PCYOX1: variants seen among roughly 807,000 people sequenced by gnomAD.
PCYOX1 encodes prenylcysteine lyase.
PCYOX1 carries 46 observed loss-of-function variants against 46.4 expected under a neutral mutation model. That is an observed-to-expected ratio of 0.99 (90% CI 0.78 to 1.27). PCYOX1 has a LOEUF of 1.27. PCYOX1 is among the 50% of genes most tolerant of loss of function. The pLI is 0.00. For missense variants in PCYOX1, 658 were observed against 628.3 expected, an observed-to-expected ratio of 1.05 and a Z score of -0.51; for synonymous variants, 220 against 231.8, an observed-to-expected ratio of 0.95 and a Z score of 0.46.
At chr2:70,274,195 C>CTT (rs397868949) in intron 3 of PCYOX1, among the ~76,000 whole-genome samples, 16 of 115,948 alleles carry the variant, frequency 1.4e-4, no homozygotes, top group African/African-American at 3.1e-4. Flanking sequence ...TTTACTTCTA[C>CTT]TTTTTTTTTT....
chr2:70,276,608 T>A (rs1459674445), intron 5 of PCYOX1, 126 bp from the exon 6 acceptor site: 1 of 596,590 alleles, frequency 1.7e-6, no homozygotes, highest in East Asian at 3.0e-5. Flanking sequence ...AAGGGACAAC[T>A]ATCTTAAGGG....
At chr2:70,260,400 C>T (rs1488007281) in intron 2 of PCYOX1, among the ~76,000 whole-genome samples, 2 of 152,132 alleles carry the variant, frequency 1.3e-5, no homozygotes, top group East Asian at 3.9e-4. Context: ...AAAAGTTAGC[C>T]TGGTGTGATG....
At position 70,281,038 on chromosome 2, in the gene PCYOX1, G is replaced by A. The variant is rs1437507703; in HGVS notation, c.*3646G>A. Reference sequence around the variant, plus strand: ...AATTCATTAACTAGATGAATACATTGTGGACAGCATCCTCACTACCCCTCT... The same window carrying A: ...AATTCATTAACTAGATGAATACATTATGGACAGCATCCTCACTACCCCTCT... On this transcript the variant is annotated 3_prime_UTR_variant, in exon 6 of 6. Coordinates refer to ENST00000433351, the MANE Select transcript of PCYOX1 (RefSeq NM_016297.4). 1 of 152,148 alleles carries A rather than the reference G, an allele frequency of 6.6e-6. No individual in the cohort carries two copies. The highest frequency in any genetic ancestry group is 1.5e-5 in the Non-Finnish European group (1 of 68,044). 9.4% of individuals were successfully genotyped at this position (152,148 alleles called of 1,614,324 possible). A position where few individuals can be genotyped will look rare whatever the true frequency, so the allele number is the denominator to read the frequency against.
At chr2:70,264,573 C>G (rs530535176) in intron 3 of PCYOX1, among the ~76,000 whole-genome samples, 1 of 151,504 alleles carries the variant, frequency 6.6e-6, no homozygotes, top group Non-Finnish European at 1.5e-5. Context: ...TTGATCTGCC[C>G]GCCTTGGCCT....
Position 70,265,019 on chromosome 2 carries a change from G to A in PCYOX1, c.494+3633G>A, listed in dbSNP as rs191133720. ...GTAACAGTAGTAAACCATGACACTC[G>A]AAAGAGGGCTCAAGCTTGTGGTAGG... On this transcript the variant is annotated intron_variant, in intron 3 of 5. Coordinates refer to ENST00000433351, the MANE Select transcript of PCYOX1 (RefSeq NM_016297.4). Among the ~76,000 whole-genome samples the A allele has an allele frequency of 1.4e-4, 22 of 152,024 alleles. No homozygotes were observed. The East Asian group carries it at 3.9e-3, about 27-fold the overall frequency.
At chr2:70,264,137 A>AT (rs1022113486) in intron 3 of PCYOX1, among the ~76,000 whole-genome samples, 31 of 147,706 alleles carry the variant, frequency 2.1e-4, no homozygotes, top group Admixed American at 1.2e-3. Flanking sequence ...AATTTTTTGT[A>AT]TTTTTTTTGT....
chr2:70,273,083 G>T (rs1211450001), intron 3 of PCYOX1, among the ~76,000 whole-genome samples: 2 of 152,136 alleles, frequency 1.3e-5, no homozygotes, highest in Non-Finnish European at 2.9e-5. Flanking sequence ...TCATCTCACC[G>T]CTGCCACCCC....
chr2:70,270,857 T>G (rs1173847278), intron 3 of PCYOX1, among the ~76,000 whole-genome samples: 2 of 152,048 alleles, frequency 1.3e-5, no homozygotes, highest in Non-Finnish European at 2.9e-5. Context: ...TCGGCTCACC[T>G]TGGCTCACTG....
rs1485326515 is a variant in PCYOX1 at position 70,279,253 on chromosome 2, A to G, written c.*1861A>G. On this transcript the variant is annotated 3_prime_UTR_variant, in exon 6 of 6. Coordinates refer to ENST00000433351, the MANE Select transcript of PCYOX1 (RefSeq NM_016297.4). Reference sequence around the variant, plus strand: ...AATATGCTGATAAAACTGCCAAGATATATTTGATAGGTAGGGGATTAAACT... The same window carrying G: ...AATATGCTGATAAAACTGCCAAGATGTATTTGATAGGTAGGGGATTAAACT... 6.6e-6 allele frequency: 1 copy of G among 152,206 alleles called. No homozygotes were observed. The highest frequency in any genetic ancestry group is 1.9e-4 in the East Asian group (1 of 5,204). The allele number at this position is 152,206 out of a possible 1,614,324, so 9.4% of individuals were successfully genotyped here. A position where few individuals can be genotyped will look rare whatever the true frequency, so the allele number is the denominator to read the frequency against.
chr2:70,266,719 C>T lies in PCYOX1; in HGVS notation c.494+5333C>T, dbSNP rs190458219. ...CTGTTTAACAAAGCACATCTTGCAC[C>T]GCCCTTAATCCATTTAACCCTTAGT... On this transcript the variant is annotated intron_variant, in intron 3 of 5. Transcript: ENST00000433351. Among the ~76,000 whole-genome samples the T allele has an allele frequency of 9.2e-5, 14 of 152,156 alleles. No homozygotes were observed. In the East Asian group the frequency reaches 2.3e-3, roughly 25 times the overall value.
chr2:70,275,054 G>A lies in PCYOX1; in HGVS notation c.590G>A (p.Arg197Gln), dbSNP rs200248412. ...GGDDFLGMLN[R>Q]TLLETLQKAG... ...GATGACTTCCTTGGAATGCTTAATC[G>A]AACACTTCTTGAAACCTTGCAAAAG... is the stretch of plus-strand genomic sequence containing the variant. The change falls in exon 4 of 6, where the codon CGA becomes CAA. Residue 197 changes from arginine to glutamine, a missense_variant. Arg to Gln is a conservative substitution (Grantham distance 43). Transcript: ENST00000433351. 2.4e-5 allele frequency: 39 copies of A among 1,613,710 alleles called. No individual in the cohort carries two copies. In the East Asian group the frequency reaches 2.9e-4, roughly 12 times the overall value.
chr2:70,265,347 T>C (rs1696498830), intron 3 of PCYOX1, among the ~76,000 whole-genome samples: 1 of 151,976 alleles, frequency 6.6e-6, no homozygotes. Context: ...TGTGCCATCA[T>C]GCTTGGCTAA....
At chr2:70,272,288 AG>A (rs1696613017) in intron 3 of PCYOX1, among the ~76,000 whole-genome samples, 1 of 151,876 alleles carries the variant, frequency 6.6e-6, no homozygotes, top group African/African-American at 2.4e-5. Context: ...CACCATGCCC[AG>A]TTAATTTTTG....
At chr2:70,259,838 G>A (rs1315848187) in intron 2 of PCYOX1, among the ~76,000 whole-genome samples, 1 of 152,102 alleles carries the variant, frequency 6.6e-6, no homozygotes, top group East Asian at 1.9e-4. Flanking sequence ...TTTCTTTTGA[G>A]GAGTTTCGCT....
intron 3 of PCYOX1, chr2:70,274,688 C>T (rs1696645610): frequency 5.2e-6 from 2 of 386,062 alleles, no homozygotes; most frequent in Non-Finnish European, 9.7e-6. Flanking sequence ...CTCAGCCTCC[C>T]AAGTAGCTGG....
Position 70,276,901 on chromosome 2 carries a change from A to G in PCYOX1, c.1027A>G (p.Ile343Val). ...GGAATTCCATCAATATTATCAACAT[A>G]TAGTGACAACTTTAGTTAAGGGGGA... is the stretch of plus-strand genomic sequence containing the variant. Reference protein sequence around the residue: ...IEEFHQYYQHIVTTLVKGELN... With the variant: ...IEEFHQYYQHVVTTLVKGELN... The change falls in exon 6 of 6, where the codon ATA becomes GTA. Residue 343 changes from isoleucine (I) to valine (V), a missense_variant. Transcript: ENST00000433351. 6.2e-7 allele frequency: 1 copy of G among 1,613,018 alleles called. No individual in the cohort carries two copies. The highest frequency in any genetic ancestry group is 8.5e-7 in the Non-Finnish European group (1 of 1,178,980).
At chr2:70,267,920 T>G (rs1696550868) in intron 3 of PCYOX1, among the ~76,000 whole-genome samples, 1 of 152,048 alleles carries the variant, frequency 6.6e-6, no homozygotes, top group Non-Finnish European at 1.5e-5. Flanking sequence ...CAAGCAGTTC[T>G]CTGCCTCAGC....
Position 70,259,468 on chromosome 2 carries a change from G to T in PCYOX1, c.221G>T (p.Arg74Leu), listed in dbSNP as rs1696402465. ...DLFEREEVGG[R>L]LATMMVQGQE... The stretch of plus-strand genomic sequence containing the variant: ...TTTGAAAGAGAAGAGGTCGGGGGCC[G>T]CCTGGCTACCATGATGGTGCAGGGG... Residue 74 changes from arginine (R) to leucine (L), a missense_variant, in exon 2 of 6, where the codon CGC becomes CTC. Arg to Leu is a moderately radical substitution (Grantham distance 102, BLOSUM62 -2). Coordinates refer to ENST00000433351, the MANE Select transcript of PCYOX1 (RefSeq NM_016297.4). The T allele has an allele frequency of 2.5e-6, 4 of 1,613,832 alleles. No individual in the cohort carries two copies. The highest frequency in any genetic ancestry group is 3.4e-6 in the Non-Finnish European group (4 of 1,179,882).
At position 70,277,080 on chromosome 2, in the gene PCYOX1, A is replaced by G. The variant is rs570286043; in HGVS notation, c.1206A>G (p.Thr402=). The stretch of plus-strand genomic sequence containing the variant: ...ATCCTGAGCCATCAACAGATGGAAC[A>G]TATGTTTGGAAGATCTTTTCCCAAG... ...KEDPEPSTDG[T]YVWKIFSQET... is the part of the protein sequence containing the mutation. The change falls in exon 6 of 6, where the codon ACA becomes ACG. Residue 402 remains threonine (T), a synonymous_variant. Coordinates refer to ENST00000433351, the MANE Select transcript of PCYOX1 (RefSeq NM_016297.4). 1.3e-5 allele frequency: 21 copies of G among 1,613,948 alleles called. No homozygotes were observed. In the East Asian group the frequency reaches 2.9e-4, roughly 22 times the overall value.
Sources: allele counts gnomAD v4.1 joint callset (sites outside exome capture counted in the v4.1 genomes callset), GRCh38; gene constraint gnomAD v4.1.1; transcripts MANE v1.5; gene names NCBI Gene and HGNC (gene_info 2026-07-23, HGNC 2026-07-21).